NKTR: variants seen among roughly 807,000 people sequenced by gnomAD.
The protein encoded by NKTR is NK-tumor recognition protein.
A neutral mutation model predicts 156.3 loss-of-function variants in NKTR; 67 were observed. The ratio of observed to expected loss-of-function variants is 0.43; its 90% CI spans 0.35 to 0.53. The LOEUF is 0.53. Among genes scored for constraint, NKTR ranks in the 20% least tolerant of loss-of-function variants. NKTR has a pLI of 0.01. For synonymous variants in NKTR, 640 were observed against 596.6 expected (o/e 1.07, Z -1.06); for missense variants, 1,604 against 1,730.9 (o/e 0.93, Z 1.30).
chr3:42,606,590 G>A (rs1706259972), intron 2 of NKTR, among the ~76,000 whole-genome samples: 1 of 152,120 alleles, frequency 6.6e-6, no homozygotes, highest in African/African-American at 2.4e-5. Flanking sequence ...ATGTATACTT[G>A]TACAAAGAAT....
In NKTR at chr3:42,632,827, C is replaced by A; in HGVS notation, c.773+4C>A. On this transcript the variant is annotated splice_donor_region_variant and intron_variant, in intron 9 of 16. Transcript: ENST00000232978. ...AACATGCAATGAACCCAAAAGGGTA[C>A]GTGTAAAACACCAATGTACTCTTAC... is the stretch of plus-strand genomic sequence containing the variant. The A allele has an allele frequency of 6.4e-7, 1 of 1,566,842 alleles. No individual in the cohort carries two copies. Among genetic ancestry groups the A allele is most frequent in the Non-Finnish European group, 8.6e-7 (1 of 1,158,458 alleles).
At position 42,638,049 on chromosome 3, in the gene NKTR, A is replaced by T; in HGVS notation, c.2345A>T (p.His782Leu). Reference protein sequence around the residue: ...KHSSSSEKTLHSKYVKGRDRS... With the variant: ...KHSSSSEKTLLSKYVKGRDRS... ...AGCAGCAGCTCTGAAAAGACACTTC[A>T]CAGTAAATATGTCAAAGGTAGAGAC... The change falls in exon 13 of 17, where the codon CAC becomes CTC. Residue 782 changes from histidine to leucine, a missense_variant. His to Leu is a moderately conservative substitution (Grantham distance 99). This residue lies in a region of NKTR where 1,255 missense variants were observed against 1,243.7 expected (regional missense o/e 1.01). Transcript: ENST00000232978. 1 of 1,614,218 alleles carries T rather than the reference A, an allele frequency of 6.2e-7. No homozygotes were observed. Among genetic ancestry groups the T allele is most frequent in the Non-Finnish European group, 8.5e-7 (1 of 1,180,036 alleles).
chr3:42,601,231 G>C, intron 2 of NKTR, 167 bp downstream of exon 2: 1 of 526,506 alleles, frequency 1.9e-6, no homozygotes. Flanking sequence ...AGGTGGCCTG[G>C]GCACACCCCT....
chr3:42,647,646 C>T lies in NKTR; in HGVS notation c.*1671C>T, dbSNP rs1710442296. 1.3e-5 allele frequency: 2 copies of T among 152,098 alleles called. No homozygotes were observed. The highest frequency in any genetic ancestry group is 1.3e-4 in the Admixed American group (2 of 15,274). The allele number at this position is 152,098 out of a possible 1,614,324, so 9.4% of individuals were successfully genotyped here. On this transcript the variant is annotated 3_prime_UTR_variant, in exon 17 of 17. Transcript: ENST00000232978. ...TAGGCCAAACAAACAATACTGGATACTGAATACAAAACAGTATGATTTATA... is the reference window on the plus strand; with the variant it reads ...TAGGCCAAACAAACAATACTGGATATTGAATACAAAACAGTATGATTTATA...
intron 2 of NKTR, among the ~76,000 whole-genome samples, chr3:42,616,183 C>G (rs771656538): frequency 6.6e-6 from 1 of 152,068 alleles, no homozygotes; most frequent in Non-Finnish European, 1.5e-5. Context: ...TGTGTCTGTT[C>G]TGAACATGAT....
At chr3:42,604,770 C>T (rs1442584436) in intron 2 of NKTR, among the ~76,000 whole-genome samples, 2 of 144,854 alleles carry the variant, frequency 1.4e-5, no homozygotes, top group Non-Finnish European at 3.0e-5. Flanking sequence ...CTCACCACAC[C>T]CTCTGCCTTC....
chr3:42,636,207 G>A (rs1434943705), intron 12 of NKTR, among the ~76,000 whole-genome samples: 1 of 152,196 alleles, frequency 6.6e-6, no homozygotes, highest in Non-Finnish European at 1.5e-5. Flanking sequence ...GGGACATCCT[G>A]CAGAGTGGTT....
At chr3:42,616,361 T>TC (rs1313153581) in intron 2 of NKTR, among the ~76,000 whole-genome samples, 5 of 152,206 alleles carry the variant, frequency 3.3e-5, no homozygotes, top group African/African-American at 1.2e-4. Context: ...TTTCAACAGG[T>TC]CCATAAAGTC....
At chr3:42,619,167 A>C in intron 4 of NKTR, 40 bp downstream of exon 4, 1 of 1,581,120 alleles carries the variant, frequency 6.3e-7, no homozygotes, top group Non-Finnish European at 8.6e-7. Flanking sequence ...TCCATCTATC[A>C]GTTTTTAAAG....
intron 11 of NKTR, 77 bp from the exon 12 acceptor site, chr3:42,635,144 C>A (rs1709276058): frequency 8.9e-7 from 1 of 1,121,264 alleles, no homozygotes; most frequent in Middle Eastern, 2.3e-4. Context: ...GAGATTGGGT[C>A]TTTTACTTAA....
At chr3:42,613,207 C>T (rs1707010727) in intron 2 of NKTR, among the ~76,000 whole-genome samples, 1 of 152,074 alleles carries the variant, frequency 6.6e-6, no homozygotes, top group Admixed American at 6.6e-5. Context: ...GCTGCATTTC[C>T]ATGTGTCATT....
intron 2 of NKTR, among the ~76,000 whole-genome samples, chr3:42,604,133 T>G (rs994640795): frequency 2.0e-5 from 3 of 152,174 alleles, no homozygotes; most frequent in Admixed American, 1.3e-4. Context: ...ATCTGTGGGG[T>G]CTGTAGTGGT....
intron 14 of NKTR, 136 bp from the exon 15 acceptor site, chr3:42,643,203 T>C: frequency 1.4e-6 from 1 of 694,150 alleles, no homozygotes; most frequent in Non-Finnish European, 2.5e-6. Flanking sequence ...ATACTTTTGA[T>C]ATGAAAACAA....
intron 2 of NKTR, among the ~76,000 whole-genome samples, chr3:42,613,109 A>G (rs1050857857): frequency 2.0e-5 from 3 of 152,130 alleles, no homozygotes; most frequent in Admixed American, 6.6e-5. Flanking sequence ...CATGGTCCCT[A>G]TCTCTCTGCG....
At chr3:42,645,031 G>A (rs1358909782) in intron 16 of NKTR, among the ~76,000 whole-genome samples, 1 of 152,046 alleles carries the variant, frequency 6.6e-6, no homozygotes, top group African/African-American at 2.4e-5. Context: ...GGCTCACAGT[G>A]AATGTTTTTC....
chr3:42,601,796 T>G (rs1705508803), intron 2 of NKTR: 1 of 152,216 alleles, frequency 6.6e-6, no homozygotes, highest in African/African-American at 2.4e-5. Context: ...GACATATATA[T>G]ATGTGTTGTC....
intron 6 of NKTR, chr3:42,629,273 C>T (rs928394020): frequency 3.2e-5 from 31 of 973,452 alleles, no homozygotes; most frequent in Admixed American, 6.2e-5. Context: ...GCATGAATTT[C>T]CACTTTTCAA....
chr3:42,609,360 G>C (rs1228781661), intron 2 of NKTR, among the ~76,000 whole-genome samples: 1 of 152,164 alleles, frequency 6.6e-6, no homozygotes, highest in Non-Finnish European at 1.5e-5. Flanking sequence ...GATTTAAGTA[G>C]CAGAATATCT....
At chr3:42,606,574 C>T (rs563783979) in intron 2 of NKTR, among the ~76,000 whole-genome samples, 10 of 152,248 alleles carry the variant, frequency 6.6e-5, no homozygotes, top group African/African-American at 1.9e-4. Context: ...CTTTCACTCC[C>T]TATGTATGTA....
Sources: allele counts gnomAD v4.1 joint callset (sites outside exome capture counted in the v4.1 genomes callset), GRCh38; gene constraint gnomAD v4.1.1; regional missense constraint gnomAD v4.1.1; transcripts MANE v1.5; gene names NCBI Gene and HGNC (gene_info 2026-07-23, HGNC 2026-07-21).